Variants in MMP26 observed in about 807,000 individuals in gnomAD.
MMP26 encodes the protein matrix metalloproteinase-26.
MMP26 carries 33 observed loss-of-function variants against 31.0 expected under a neutral mutation model. The observed-to-expected ratio is 1.06, with a 90% CI of 0.81 to 1.42. The LOEUF (loss-of-function observed/expected upper bound fraction) is 1.42. Ranked by LOEUF, MMP26 falls within the 40% of genes most tolerant of loss-of-function variation. MMP26 has a pLI of 0.00. For missense variants in MMP26, 347 were observed against 316.1 expected, an observed-to-expected ratio of 1.10 and a Z score of -0.74; for synonymous variants, 122 against 114.9, an observed-to-expected ratio of 1.06 and a Z score of -0.40.
intron 1 of MMP26, chr11:4,723,418 A>G (rs1848047670): frequency 2.0e-6 from 2 of 1,006,190 alleles, no homozygotes; most frequent in East Asian, 2.4e-5. Flanking sequence ...AGTGTTGTCC[A>G]TGTCCAGGGA....
At chr11:4,815,230 A>C (rs1364166902) in intron 2 of MMP26, among the ~76,000 whole-genome samples, 1 of 152,170 alleles carries the variant, frequency 6.6e-6, no homozygotes, top group Non-Finnish European at 1.5e-5. Context: ...CAGAGGAAGC[A>C]ATCAGATGTG....
chr11:4,828,637 G>A (rs1849608863), intron 2 of MMP26, among the ~76,000 whole-genome samples: 1 of 151,470 alleles, frequency 6.6e-6, no homozygotes, highest in African/African-American at 2.4e-5. Context: ...ATTAAAGTTT[G>A]AATGAACACA....
chr11:4,714,920 T>TCACACACACA (rs66913726), intron 1 of MMP26, among the ~76,000 whole-genome samples: 16 of 141,782 alleles, frequency 1.1e-4, no homozygotes, highest in Middle Eastern at 3.5e-3. Flanking sequence ...TCTCTCTCTC[T>TCACACACACA]CACACACACA....
chr11:4,775,087 C>T (rs969460946), intron 2 of MMP26, among the ~76,000 whole-genome samples: 8 of 152,082 alleles, frequency 5.3e-5, no homozygotes, highest in Non-Finnish European at 2.9e-5. Context: ...GTTCTTTTTG[C>T]TTAGGATTGT....
At chr11:4,941,336 T>G (rs888482485) in intron 2 of MMP26, among the ~76,000 whole-genome samples, 4 of 152,220 alleles carry the variant, frequency 2.6e-5, no homozygotes, top group Admixed American at 6.5e-5. Flanking sequence ...AGAATGCACT[T>G]ATAATCTAAT....
chr11:4,974,625 T>C (rs2133634963), intron 2 of MMP26, among the ~76,000 whole-genome samples: 1 of 152,252 alleles, frequency 6.6e-6, no homozygotes, highest in South Asian at 2.1e-4. Context: ...TACCATCCCA[T>C]GCTGTTCTTT....
chr11:4,942,297 T>C (rs1392717296), intron 2 of MMP26, among the ~76,000 whole-genome samples: 1 of 151,952 alleles, frequency 6.6e-6, no homozygotes, highest in Non-Finnish European at 1.5e-5. Flanking sequence ...TTATTATTTA[T>C]TTATTTATAT....
intron 2 of MMP26, among the ~76,000 whole-genome samples, chr11:4,939,613 C>T (rs12807538): frequency 0.15 from 22,946 of 151,992 alleles, 1,832 homozygotes; most frequent in South Asian, 0.17. Flanking sequence ...TGGATTCAGA[C>T]TTTTCTAAGA....
intron 2 of MMP26, chr11:4,832,704 T>C (rs1009950163): frequency 1.0e-5 from 2 of 196,170 alleles, no homozygotes; most frequent in Non-Finnish European, 2.2e-5. Context: ...TGGCCTGCTC[T>C]GACAACAGGG....
chr11:4,804,075 G>T lies in MMP26; in HGVS notation c.-145+36734G>T, dbSNP rs750532090. ...AAAAGGCATGGATGAAGAACACCTG[G>T]ATGAGGCAGGCATGGTACTGAATCT... On this transcript the variant is annotated intron_variant, in intron 2 of 7. Transcript: ENST00000380390. 5 of 1,613,966 alleles carry T rather than the reference G, an allele frequency of 3.1e-6. No individual in the cohort carries two copies. In the East Asian group the frequency reaches 1.1e-4, roughly 36 times the overall value.
intron 2 of MMP26, among the ~76,000 whole-genome samples, chr11:4,968,434 G>A (rs1037471809): frequency 1.3e-5 from 2 of 151,582 alleles, no homozygotes; most frequent in Non-Finnish European, 3.0e-5. Flanking sequence ...TCAAGAACAA[G>A]AAGATTTCAT....
chr11:4,956,529 T>A (rs1564814766), intron 2 of MMP26, among the ~76,000 whole-genome samples: 1 of 152,178 alleles, frequency 6.6e-6, no homozygotes, highest in Non-Finnish European at 1.5e-5. Flanking sequence ...AGCTTGGATA[T>A]TTCTGAATGG....
At chr11:4,719,529 A>T (rs1242297129) in intron 1 of MMP26, 1 of 153,612 alleles carries the variant, frequency 6.5e-6, no homozygotes, top group Non-Finnish European at 1.5e-5. Flanking sequence ...AGGCTGTGCT[A>T]AAAGTACTCC....
intron 2 of MMP26, chr11:4,860,010 G>C (rs767032964): frequency 2.8e-5 from 13 of 471,038 alleles, no homozygotes; most frequent in Non-Finnish European, 4.8e-5. Flanking sequence ...GCCGCATCAT[G>C]TTTTGGTGAA....
At chr11:4,807,228 C>T (rs373860777) in intron 2 of MMP26, among the ~76,000 whole-genome samples, 59 of 152,096 alleles carry the variant, frequency 3.9e-4, no homozygotes, top group African/African-American at 1.4e-3. Flanking sequence ...ATTTCTAGTT[C>T]TAGATCCTTA....
At chr11:4,962,955 T>A (rs1213687397) in intron 2 of MMP26, among the ~76,000 whole-genome samples, 3 of 152,162 alleles carry the variant, frequency 2.0e-5, no homozygotes, top group Non-Finnish European at 4.4e-5. Flanking sequence ...TACCAGAGTT[T>A]TGCTGCTGTG....
intron 2 of MMP26, among the ~76,000 whole-genome samples, chr11:4,905,423 T>A (rs911977035): frequency 1.3e-5 from 2 of 152,140 alleles, no homozygotes; most frequent in Non-Finnish European, 2.9e-5. Context: ...ATGTACTTTT[T>A]TCAATTATCC....
intron 2 of MMP26, among the ~76,000 whole-genome samples, chr11:4,810,677 G>A (rs1008577901): frequency 2.0e-5 from 3 of 152,198 alleles, no homozygotes; most frequent in South Asian, 2.1e-4. Flanking sequence ...CTCTGAGTGC[G>A]TGATTATCCA....
chr11:4,957,223 G>A (rs569294408), intron 2 of MMP26, among the ~76,000 whole-genome samples: 1 of 152,262 alleles, frequency 6.6e-6, no homozygotes, highest in Admixed American at 6.5e-5. Flanking sequence ...AACAATGCCT[G>A]CCTGCTGTTT....
Sources: gnomAD v4.1 joint callset for allele counts (sites outside exome capture counted in the v4.1 genomes callset) on GRCh38, gnomAD v4.1.1 for gene constraint, MANE v1.5 for transcripts, NCBI Gene and HGNC (gene_info 2026-07-23, HGNC 2026-07-21) for gene names.